Variants in NUP107 observed in about 807,000 individuals in gnomAD.
NUP107 encodes nucleoporin 107.
NUP107 carries 101 observed loss-of-function variants against 141.0 expected under a neutral mutation model. That is an observed-to-expected ratio of 0.72 (90% CI 0.61 to 0.84). The LOEUF (loss-of-function observed/expected upper bound fraction) is 0.84. NUP107 is among the 40% of genes least tolerant of loss of function. NUP107 has a pLI of 0.00. For synonymous variants in NUP107, 319 were observed against 363.9 expected, an observed-to-expected ratio of 0.88 and a Z score of 1.41; for missense variants, 941 against 1,102.7, an observed-to-expected ratio of 0.85 and a Z score of 2.08.
chr12:68,694,240 G>GA (rs1423233784), intron 5 of NUP107, among the ~76,000 whole-genome samples: 1 of 152,166 alleles, frequency 6.6e-6, no homozygotes, highest in Non-Finnish European at 1.5e-5. Context: ...TCCCAGAGTG[G>GA]AACATGCCAT....
intron 26 of NUP107, among the ~76,000 whole-genome samples, chr12:68,738,920 ATCTT>A (rs1878199669): frequency 6.6e-6 from 1 of 152,150 alleles, no homozygotes; most frequent in Non-Finnish European, 1.5e-5. Context: ...TTGGAATAAA[ATCTT>A]TCTTTTCTTG....
chr12:68,725,154 T>G (rs1380595129), intron 17 of NUP107, among the ~76,000 whole-genome samples: 1 of 152,196 alleles, frequency 6.6e-6, no homozygotes, highest in African/African-American at 2.4e-5. Flanking sequence ...GAAAGAAAAT[T>G]TAGACAGCCA....
intron 8 of NUP107, among the ~76,000 whole-genome samples, chr12:68,704,922 TCA>T (rs1482736841): frequency 6.6e-6 from 1 of 151,282 alleles, no homozygotes; most frequent in East Asian, 1.9e-4. Context: ...TCACTTTGTC[TCA>T]CAGGCCAGAG....
chr12:68,692,011 C>T lies in NUP107; in HGVS notation c.347C>T (p.Ser116Leu). 6.2e-7 allele frequency: 1 copy of T among 1,605,908 alleles called. No homozygotes were observed. The highest frequency in any genetic ancestry group is 8.5e-7 in the Non-Finnish European group (1 of 1,176,982). Residue 116 changes from serine to leucine, a missense_variant, in exon 5 of 28, where the codon TCA (serine) becomes TTA (leucine). Physicochemically the swap from Ser to Leu is moderately radical, Grantham distance 145. Coordinates refer to ENST00000229179, the MANE Select transcript of NUP107 (RefSeq NM_020401.4). Reference protein sequence around the residue: ...DDSNWAAAFSSQRSGLFTNTE... With the variant: ...DDSNWAAAFSLQRSGLFTNTE... ...AGTAACTGGGCAGCTGCATTTTCATCACAGCGTTCCGGGCTGTTCACAAAC... is the reference window on the plus strand; with the variant it reads ...AGTAACTGGGCAGCTGCATTTTCATTACAGCGTTCCGGGCTGTTCACAAAC...
chr12:68,721,824 T>C lies in NUP107; in HGVS notation c.1312-17T>C. ...TTGAATATGTCTATATGTTTCTGTT[T>C]TGTAATGGGGAAAAAGCTGCTTCCT... is the stretch of plus-strand genomic sequence containing the variant. On this transcript the variant is annotated splice_polypyrimidine_tract_variant and intron_variant, in intron 15 of 27. Coordinates refer to ENST00000229179, the MANE Select transcript of NUP107 (RefSeq NM_020401.4). 1 of 1,608,586 alleles carries C rather than the reference T, an allele frequency of 6.2e-7. No individual in the cohort carries two copies. Among genetic ancestry groups the C allele is most frequent in the South Asian group, 1.1e-5 (1 of 89,938 alleles).
chr12:68,710,012 T>C lies in NUP107; in HGVS notation c.809T>C (p.Val270Ala). ...TTTTTCTTTCTTTCTTAGCTGGTGG[T>C]AGATTGGTTAGAGAGTATTGCCAAA... ...DSLVRQSQLV[V>A]DWLESIAKDE... Residue 270 changes from valine to alanine, a missense_variant, in exon 10 of 28, where the codon GTA (valine) becomes GCA (alanine). Physicochemically the swap from Val to Ala is moderately conservative, Grantham distance 64. Coordinates refer to ENST00000229179, the MANE Select transcript of NUP107 (RefSeq NM_020401.4). 1 of 1,579,470 alleles carries C rather than the reference T, an allele frequency of 6.3e-7. No individual in the cohort carries two copies. Among genetic ancestry groups the C allele is most frequent in the Non-Finnish European group, 8.7e-7 (1 of 1,152,658 alleles).
chr12:68,735,137 T>G (rs1878013108), intron 25 of NUP107, 94 bp from the exon 26 acceptor site: 1 of 871,356 alleles, frequency 1.1e-6, no homozygotes, highest in African/African-American at 1.7e-5. Context: ...CTCTTTAGAA[T>G]GATGTTCTAT....
intron 5 of NUP107, among the ~76,000 whole-genome samples, chr12:68,692,845 G>T (rs1033272629): frequency 6.6e-6 from 1 of 151,166 alleles, no homozygotes; most frequent in Non-Finnish European, 1.5e-5. Context: ...CGCCTCCCAG[G>T]TTTAAATGAT....
rs1337428535 is a variant in NUP107 at position 68,743,576 on chromosome 12, A to C, written c.*1114A>C. On this transcript the variant is annotated 3_prime_UTR_variant, in exon 28 of 28. Coordinates refer to ENST00000229179, the MANE Select transcript of NUP107 (RefSeq NM_020401.4). Reference sequence around the variant, plus strand: ...ATTAAGAAATCAGTATGAGCAAGAAATGATAAATGCTGGGCATTATTATGA... The same window carrying C: ...ATTAAGAAATCAGTATGAGCAAGAACTGATAAATGCTGGGCATTATTATGA... 6.6e-6 allele frequency: 1 copy of C among 152,260 alleles called. No individual in the cohort carries two copies. The highest frequency in any genetic ancestry group is 1.5e-5 in the Non-Finnish European group (1 of 68,046). 9.4% of individuals were successfully genotyped at this position (152,260 alleles called of 1,614,324 possible). A position where few individuals can be genotyped will look rare whatever the true frequency, so the allele number is the denominator to read the frequency against.
At chr12:68,727,447 T>C in intron 20 of NUP107, 58 bp downstream of exon 20, 1 of 930,754 alleles carries the variant, frequency 1.1e-6, no homozygotes. Flanking sequence ...AAAACAAAAC[T>C]CAGAATGATG....
Position 68,689,574 on chromosome 12 carries a change from A to G in NUP107, c.142A>G (p.Arg48Gly), listed in dbSNP as rs781660822. 6 of 1,613,244 alleles carry G rather than the reference A, an allele frequency of 3.7e-6. No homozygotes were observed. The highest frequency in any genetic ancestry group is 3.3e-5 in the Admixed American group (2 of 59,838). ...QDENFGNTTP[R>G]NQVIPRTPSS... ...TGAAAATTTTGGTAATACTACACCA[A>G]GAAACCAGGTTATCCCTCGAACTCC... The change falls in exon 3 of 28, where the codon AGA becomes GGA. Residue 48 changes from arginine (R) to glycine (G), a missense_variant. Arg to Gly is a moderately radical substitution (Grantham distance 125). Coordinates refer to ENST00000229179, the MANE Select transcript of NUP107 (RefSeq NM_020401.4).
At position 68,734,725 on chromosome 12, in the gene NUP107, T is replaced by C. The variant is rs1319218757; in HGVS notation, c.2280T>C (p.Phe760=). ...CATTTTAGGAAGCCCATGAAACCTT[T>C]AATGAGTGGTTTAAGCATATGAATT... ...IRAYLEAHET[F]NEWFKHMNSV... Residue 760 remains phenylalanine, a synonymous_variant, in exon 25 of 28, where the codon TTT becomes TTC. Coordinates refer to ENST00000229179, the MANE Select transcript of NUP107 (RefSeq NM_020401.4). 1 of 1,601,516 alleles carries C rather than the reference T, an allele frequency of 6.2e-7. No individual in the cohort carries two copies. Among genetic ancestry groups the C allele is most frequent in the Admixed American group, 1.7e-5 (1 of 57,576 alleles).
At chr12:68,690,602 G>T in intron 3 of NUP107, 29 bp from the exon 4 acceptor site, 1 of 1,613,964 alleles carries the variant, frequency 6.2e-7, no homozygotes, top group South Asian at 1.1e-5. Context: ...ACGCACTTTA[G>T]GTTCTTTCTA....
At chr12:68,687,584 G>A (rs1014267785) in intron 1 of NUP107, 2 of 987,008 alleles carry the variant, frequency 2.0e-6, no homozygotes, top group Non-Finnish European at 1.2e-6. Flanking sequence ...ACCAAGCAGT[G>A]TAAAGTGGTA....
intron 7 of NUP107, among the ~76,000 whole-genome samples, chr12:68,702,471 G>A (rs954417503): frequency 2.6e-5 from 4 of 151,500 alleles, no homozygotes; most frequent in Non-Finnish European, 5.9e-5. Flanking sequence ...TCTGTTGTTC[G>A]CCAGGCTGGT....
At chr12:68,730,961 CT>C (rs1247229085) in intron 20 of NUP107, 148 bp from the exon 21 acceptor site, 26 of 491,500 alleles carry the variant, frequency 5.3e-5, no homozygotes. Flanking sequence ...GAGTGAGACC[CT>C]GTCTCAAACA....
chr12:68,688,950 A>T lies in NUP107; in HGVS notation c.9-12A>T, dbSNP rs754060800. On this transcript the variant is annotated splice_polypyrimidine_tract_variant and intron_variant, in intron 1 of 27. Coordinates refer to ENST00000229179, the MANE Select transcript of NUP107 (RefSeq NM_020401.4). The stretch of plus-strand genomic sequence containing the variant: ...TCGTTTCACTTATATAAGCTTGATT[A>T]TACTACTTTAGGAGTGGCTTTGGAG... The T allele has an allele frequency of 1.9e-6, 3 of 1,592,986 alleles. No homozygotes were observed. The highest frequency in any genetic ancestry group is 2.7e-5 in the African/African-American group (2 of 74,300).
chr12:68,708,461 A>G (rs1314348818), intron 8 of NUP107, among the ~76,000 whole-genome samples: 1 of 152,148 alleles, frequency 6.6e-6, no homozygotes, highest in African/African-American at 2.4e-5. Flanking sequence ...ACTTGCTAAT[A>G]TTTGTATTAA....
chr12:68,736,650 C>T (rs1878078570), intron 26 of NUP107, among the ~76,000 whole-genome samples: 1 of 151,066 alleles, frequency 6.6e-6, no homozygotes, highest in South Asian at 2.1e-4. Flanking sequence ...CTTCTAGCCT[C>T]AAGCTGTCCT....
Sources: allele counts gnomAD v4.1 joint callset (sites outside exome capture counted in the v4.1 genomes callset), GRCh38; gene constraint gnomAD v4.1.1; transcripts MANE v1.5; gene names NCBI Gene and HGNC (gene_info 2026-07-23, HGNC 2026-07-21).